RPS6KA2: variants seen among roughly 807,000 people sequenced by gnomAD.
The protein encoded by RPS6KA2 is ribosomal protein S6 kinase A2, also known as ribosomal protein S6 kinase alpha-2.
In RPS6KA2, 42 loss-of-function variants were observed where a neutral mutation model predicts 91.8. The observed-to-expected ratio is 0.46, with a 90% CI of 0.36 to 0.59. The LOEUF is 0.59. Ranked by LOEUF, RPS6KA2 falls within the 20% of genes least tolerant of loss-of-function variation. RPS6KA2 has a pLI of 0.00. For synonymous variants in RPS6KA2, 414 were observed against 393.6 expected (o/e 1.05, Z -0.61); for missense variants, 798 against 978.5 (o/e 0.82, Z 2.46).
At chr6:166,476,926 A>G (rs573662566) in intron 10 of RPS6KA2, among the ~76,000 whole-genome samples, 2 of 152,268 alleles carry the variant, frequency 1.3e-5, no homozygotes, top group African/African-American at 4.8e-5. Context: ...GGTTAGAACG[A>G]GGCCTCTAAC....
At chr6:166,752,397 C>A (rs1220093994) in intron 2 of RPS6KA2, among the ~76,000 whole-genome samples, 1 of 152,060 alleles carries the variant, frequency 6.6e-6, no homozygotes, top group Non-Finnish European at 1.5e-5. Flanking sequence ...TCTAGAGAGG[C>A]AATTTAGAAT....
At chr6:166,718,376 G>C (rs1026772388) in intron 2 of RPS6KA2, among the ~76,000 whole-genome samples, 12 of 150,926 alleles carry the variant, frequency 8.0e-5, no homozygotes, top group Non-Finnish European at 1.6e-4. Flanking sequence ...GAGGCTGTTT[G>C]AGTTTCCAAG....
intron 1 of RPS6KA2, among the ~76,000 whole-genome samples, chr6:166,608,015 G>GAAAA (rs35201506): frequency 1.6e-5 from 2 of 128,188 alleles, no homozygotes; most frequent in Admixed American, 7.8e-5. Context: ...GTCTCAGAAA[G>GAAAA]AAAAAAAAAA....
Position 166,770,760 on chromosome 6 carries a change from T to C in RPS6KA2, c.123+87440A>G. ...TTGCCTTGCTGGACTCCGGGCACCG[T>C]GAAACAACTCAATAAATTGAAAAAG... On this transcript the variant is annotated intron_variant, in intron 2 of 21. Coordinates refer to the RPS6KA2 transcript ENST00000503859. The surrounding 1 kb of genome is among the most constrained non-coding windows in gnomAD (Gnocchi z 5.1). 1 of 1,173,412 alleles carries C rather than the reference T, an allele frequency of 8.5e-7. No individual in the cohort carries two copies. Among genetic ancestry groups the C allele is most frequent in the Non-Finnish European group, 1.2e-6 (1 of 829,668 alleles). The allele number at this position is 1,173,412 out of a possible 1,614,324, so 72.7% of individuals were successfully genotyped here.
intron 14 of RPS6KA2, among the ~76,000 whole-genome samples, chr6:166,436,247 C>T (rs528845724): frequency 4.0e-5 from 6 of 150,996 alleles, no homozygotes; most frequent in East Asian, 2.0e-4. Flanking sequence ...ACTGCGAGTC[C>T]GTGCCATGAA....
chr6:166,756,312 G>A (rs1340111676), intron 2 of RPS6KA2, among the ~76,000 whole-genome samples: 8 of 152,030 alleles, frequency 5.3e-5, no homozygotes. Context: ...AAAACAAAAT[G>A]TGCACACAGT....
chr6:166,467,097 C>T (rs1780563214), intron 11 of RPS6KA2, among the ~76,000 whole-genome samples: 1 of 151,976 alleles, frequency 6.6e-6, no homozygotes, highest in Admixed American at 6.6e-5. Context: ...CTCATTCACT[C>T]TCTAACTCAC....
intron 2 of RPS6KA2, among the ~76,000 whole-genome samples, chr6:166,653,771 A>C (rs1787931007): frequency 6.6e-6 from 1 of 152,268 alleles, no homozygotes; most frequent in Admixed American, 6.5e-5. Flanking sequence ...GACAGAAGTA[A>C]GTGAAGTAGC....
intron 2 of RPS6KA2, among the ~76,000 whole-genome samples, chr6:166,731,715 G>A (rs538327737): frequency 2.0e-5 from 3 of 151,720 alleles, no homozygotes; most frequent in South Asian, 2.1e-4. Context: ...GAGGTTAGCC[G>A]CAATGCTTCT....
intron 2 of RPS6KA2, among the ~76,000 whole-genome samples, chr6:166,854,216 T>C (rs557399090): frequency 6.6e-6 from 1 of 152,248 alleles, no homozygotes; most frequent in African/African-American, 2.4e-5. Context: ...TGTATTGCAG[T>C]AACACCCAAG....
chr6:166,470,177 C>T (rs1031520271), intron 10 of RPS6KA2, among the ~76,000 whole-genome samples: 3 of 152,228 alleles, frequency 2.0e-5, no homozygotes, highest in Non-Finnish European at 2.9e-5. Flanking sequence ...GACAGGCCAG[C>T]CAGGTGCTGC....
At chr6:166,498,358 AG>A (rs1781872455) in intron 8 of RPS6KA2, 149 bp downstream of exon 8, 12 of 891,752 alleles carry the variant, frequency 1.3e-5, no homozygotes, top group African/African-American at 3.5e-5. Context: ...GGAGGCTGCC[AG>A]GAAATGCTTG....
chr6:166,485,219 A>T (rs1454924470), intron 10 of RPS6KA2, among the ~76,000 whole-genome samples: 1 of 152,260 alleles, frequency 6.6e-6, no homozygotes, highest in African/African-American at 2.4e-5. Context: ...GTCACGGAAA[A>T]GAACAGCTCT....
intron 1 of RPS6KA2, among the ~76,000 whole-genome samples, chr6:166,619,403 G>T (rs534262706): frequency 1.3e-5 from 2 of 152,212 alleles, no homozygotes; most frequent in Admixed American, 6.5e-5. Flanking sequence ...TCTTTCCTTC[G>T]CTATGTTCAA....
intron 1 of RPS6KA2, among the ~76,000 whole-genome samples, chr6:166,622,986 C>T (rs1430799320): frequency 6.6e-6 from 1 of 152,214 alleles, no homozygotes; most frequent in Non-Finnish European, 1.5e-5. Context: ...AGTGTATGAA[C>T]AATTGAGCAA....
intron 3 of RPS6KA2, among the ~76,000 whole-genome samples, chr6:166,520,098 C>T (rs1367142783): frequency 6.6e-6 from 1 of 152,200 alleles, no homozygotes; most frequent in African/African-American, 2.4e-5. Flanking sequence ...TGAACTGGGA[C>T]ATGCATGTTT....
intron 2 of RPS6KA2, among the ~76,000 whole-genome samples, chr6:166,788,853 AAAAAAT>A (rs1171547482): frequency 2.0e-5 from 3 of 152,184 alleles, no homozygotes; most frequent in Non-Finnish European, 4.4e-5. Context: ...AAAGTAAAAT[AAAAAAT>A]AAAAATAAAA....
chr6:166,506,698 C>T (rs1252440890), intron 5 of RPS6KA2, among the ~76,000 whole-genome samples: 1 of 152,066 alleles, frequency 6.6e-6, no homozygotes, highest in Non-Finnish European at 1.5e-5. Context: ...CCTTTGCGCC[C>T]GATTCAGGAG....
chr6:166,527,661 G>A (rs1264096204), intron 3 of RPS6KA2, among the ~76,000 whole-genome samples: 1 of 152,164 alleles, frequency 6.6e-6, no homozygotes, highest in African/African-American at 2.4e-5. Flanking sequence ...GGGTTTTAAA[G>A]ATTTTAATCA....
Sources: gnomAD v4.1 joint callset for allele counts (sites outside exome capture counted in the v4.1 genomes callset) on GRCh38, gnomAD v4.1.1 for gene constraint, Gnocchi (gnomAD v3.1) non-coding constraint, MANE v1.5 for transcripts, NCBI Gene and HGNC (gene_info 2026-07-23, HGNC 2026-07-21) for gene names.